The following SIGLEC6 variants were observed in gnomAD, a reference collection of about 807,000 sequenced individuals.
The protein encoded by SIGLEC6 is sialic acid binding Ig like lectin 6.
In SIGLEC6, 31 loss-of-function variants were observed where a neutral mutation model predicts 41.4. The observed-to-expected ratio is 0.75, with a 90% CI of 0.56 to 1.01. The LOEUF (loss-of-function observed/expected upper bound fraction) is 1.01, where lower values mean the gene tolerates loss of function less well. SIGLEC6 is among the 50% of genes least tolerant of loss of function. The probability of loss-of-function intolerance (pLI) is 0.00; values close to 1 mark genes in which losing one functional copy is unlikely to be tolerated. For missense variants in SIGLEC6, 555 were observed against 558.6 expected (o/e 0.99, Z 0.06); for synonymous variants, 217 against 231.0 (o/e 0.94, Z 0.55).
At position 51,530,423 on chromosome 19, in the gene SIGLEC6, T is replaced by C; in HGVS notation, c.754+14A>G. The C allele has an allele frequency of 6.2e-7, 1 of 1,613,110 alleles. No individual in the cohort carries two copies. Among genetic ancestry groups the C allele is most frequent in the Non-Finnish European group, 8.5e-7 (1 of 1,179,112 alleles). ...CATCTGGCCCTGGAGAGAACAGGAC[T>C]GGCTGGTTCCTACCTGCGCTGTTTC... is the stretch of plus-strand genomic sequence containing the variant. On this transcript the variant is annotated intron_variant, in intron 4 of 7. Transcript: ENST00000425629.
chr19:51,530,013 T>C (rs1979979347), intron 4 of SIGLEC6, 32 bp from the exon 5 acceptor site: 1 of 1,551,256 alleles, frequency 6.4e-7, no homozygotes. Context: ...GAGTTAGAGA[T>C]GGGGTATAGG....
Position 51,527,727 on chromosome 19 carries a change from T to C in SIGLEC6, c.1188+20A>G, listed in dbSNP as rs746418451. ...CAAAAGGGATAATGCTGAATGGAAA[T>C]TAAGGTCTCTGTCACTCACCCTGGA... On this transcript the variant is annotated intron_variant, in intron 7 of 7. Transcript: ENST00000425629. 2 of 1,611,578 alleles carry C rather than the reference T, an allele frequency of 1.2e-6. No homozygotes were observed. Among genetic ancestry groups the C allele is most frequent in the Non-Finnish European group, 1.7e-6 (2 of 1,178,000 alleles).
At chr19:51,529,135 AC>A (rs897892883) in intron 5 of SIGLEC6, among the ~76,000 whole-genome samples, 3 of 152,112 alleles carry the variant, frequency 2.0e-5, no homozygotes, top group African/African-American at 4.8e-5. Context: ...CCAGGAAACC[AC>A]CAGAAGCCAG....
intron 7 of SIGLEC6, among the ~76,000 whole-genome samples, chr19:51,523,364 G>C (rs1978623348): frequency 2.0e-5 from 3 of 152,094 alleles, no homozygotes; most frequent in African/African-American, 7.2e-5. Flanking sequence ...TCTGACACAG[G>C]TGCAACTGGG....
In SIGLEC6 at chr19:51,520,123, C is replaced by T; in HGVS notation, c.1321G>A (p.Val441Ile). The T allele has an allele frequency of 6.3e-7, 1 of 1,595,448 alleles. No homozygotes were observed. Among genetic ancestry groups the T allele is most frequent in the South Asian group, 1.1e-5 (1 of 89,132 alleles). The part of the protein sequence containing the change: ...FHKVQPQEPK[V>I]TDTEYSEIKI... ...ATTTCTGAGTACTCAGTGTCGGTGA[C>T]CTTTGGTTCCTGAGGTTGCACCTTG... Residue 441 changes from valine (V) to isoleucine (I), a missense_variant, in exon 8 of 8, where the codon GTC (valine) becomes ATC (isoleucine). Coordinates refer to ENST00000425629, the MANE Select transcript of SIGLEC6 (RefSeq NM_001245.7).
intron 5 of SIGLEC6, 169 bp from the exon 6 acceptor site, chr19:51,528,422 C>G: frequency 1.6e-6 from 1 of 628,146 alleles, no homozygotes; most frequent in South Asian, 1.9e-5. Flanking sequence ...CATGACTCCC[C>G]CTTCCCCCAA....
intron 7 of SIGLEC6, among the ~76,000 whole-genome samples, chr19:51,526,672 C>T (rs1485715782): frequency 2.6e-5 from 4 of 152,004 alleles, no homozygotes; most frequent in African/African-American, 9.7e-5. Flanking sequence ...CACTAGTTCC[C>T]CAGCAAAAGT....
chr19:51,529,668 A>T, intron 5 of SIGLEC6, 56 bp downstream of exon 5: 1 of 1,606,862 alleles, frequency 6.2e-7, no homozygotes, highest in Non-Finnish European at 8.5e-7. Context: ...TTCTCTGAAT[A>T]CTATGGAGCT....
chr19:51,520,213 G>C lies in SIGLEC6; in HGVS notation c.1231C>G (p.Pro411Ala), dbSNP rs771497934. 1.2e-6 allele frequency: 2 copies of C among 1,606,058 alleles called. No homozygotes were observed. Among genetic ancestry groups the C allele is most frequent in the Admixed American group, 3.3e-5 (2 of 59,952 alleles). ...TCTGAGATGGGGCCAGCCTCAGCAG[G>C]GTGGTCTGAAACTATGCCTGTCTGG... ...QFQTGIVSDHPAEAGPISEDE... is the reference protein window; with the variant it reads ...QFQTGIVSDHAAEAGPISEDE... Residue 411 changes from proline to alanine, a missense_variant, in exon 8 of 8, where the codon CCT becomes GCT. By Grantham distance (27) the Pro-to-Ala change is conservative. Coordinates refer to ENST00000425629, the MANE Select transcript of SIGLEC6 (RefSeq NM_001245.7).
rs181082684 is a variant in SIGLEC6, at chr19:51,529,726, T to C, written c.1010A>G (p.His337Arg). Residue 337 changes from histidine (H) to arginine (R), a missense_variant and splice_region_variant, in exon 5 of 8, where the codon CAT becomes CGT. Transcript: ENST00000425629. Reference protein sequence around the residue: ...SLQISLSLFVHWKPEGRAGGV... With the variant: ...SLQISLSLFVRWKPEGRAGGV... ...CGCGCACCTCCCCCCACACTCACAATGCACAAAGAGACTCAGAGAGATTTG... is the reference window on the plus strand; with the variant it reads ...CGCGCACCTCCCCCCACACTCACAACGCACAAAGAGACTCAGAGAGATTTG... 1.1e-5 allele frequency: 17 copies of C among 1,614,076 alleles called. No homozygotes were observed. The highest frequency in any genetic ancestry group is 5.3e-5 in the African/African-American group (4 of 75,018).
At chr19:51,520,520 C>T (rs1052201209) in intron 7 of SIGLEC6, among the ~76,000 whole-genome samples, 3 of 151,988 alleles carry the variant, frequency 2.0e-5, no homozygotes, top group Non-Finnish European at 2.9e-5. Flanking sequence ...TCCTGTGTAG[C>T]TGGGACTACA....
chr19:51,531,049 A>G, intron 2 of SIGLEC6, 90 bp from the exon 3 acceptor site: 1 of 1,573,896 alleles, frequency 6.4e-7, no homozygotes, highest in Non-Finnish European at 8.5e-7. Flanking sequence ...TCCTTCTCTG[A>G]GCCCAACATG....
rs1219068806 is a variant in SIGLEC6, at chr19:51,519,415, C to A, written c.*667G>T. 1.3e-5 allele frequency: 2 copies of A among 149,312 alleles called. No homozygotes were observed. Among genetic ancestry groups the A allele is most frequent in the Non-Finnish European group, 3.0e-5 (2 of 67,474 alleles). The allele number at this position is 149,312 out of a possible 1,614,324, so 9.2% of individuals were successfully genotyped here. ...CCTTTGTTAGCTGTTTTACAGCTAACAAAGCTGTATGTTAGCTGTATGCTT... is the reference window on the plus strand; with the variant it reads ...CCTTTGTTAGCTGTTTTACAGCTAAAAAAGCTGTATGTTAGCTGTATGCTT... On this transcript the variant is annotated 3_prime_UTR_variant, in exon 8 of 8. Transcript: ENST00000425629.
At chr19:51,523,988 A>G (rs1161403305) in intron 7 of SIGLEC6, among the ~76,000 whole-genome samples, 1 of 152,138 alleles carries the variant, frequency 6.6e-6, no homozygotes, top group Non-Finnish European at 1.5e-5. Flanking sequence ...GTGCCACTGC[A>G]CTCCAGCCTG....
At chr19:51,528,445 G>A in intron 5 of SIGLEC6, 192 bp from the exon 6 acceptor site, 1 of 596,602 alleles carries the variant, frequency 1.7e-6, no homozygotes, top group Admixed American at 2.9e-5. Flanking sequence ...GCAAGACTGA[G>A]GACGTTGTGC....
chr19:51,529,844 T>G lies in SIGLEC6; in HGVS notation c.892A>C (p.Ile298Leu), dbSNP rs548685241. 1 of 1,613,924 alleles carries G rather than the reference T, an allele frequency of 6.2e-7. No homozygotes were observed. Among genetic ancestry groups the G allele is most frequent in the Admixed American group, 1.7e-5 (1 of 59,994 alleles). ...AGCTCCAGGACCCCGGTATTGGAGA[T>G]GGGGGTGGCGTTCAGGGCGGGGAAG... ...QGFPALNATP[I>L]SNTGVLELPQ... is the part of the protein sequence containing the mutation. The change falls in exon 5 of 8, where the codon ATC becomes CTC. Residue 298 changes from isoleucine to leucine, a missense_variant. By Grantham distance (5) the Ile-to-Leu change is conservative (BLOSUM62 2). Transcript: ENST00000425629.
At chr19:51,526,196 A>C (rs1979199526) in intron 7 of SIGLEC6, among the ~76,000 whole-genome samples, 1 of 152,136 alleles carries the variant, frequency 6.6e-6, no homozygotes, top group Admixed American at 6.6e-5. Context: ...CAAGCTGGGG[A>C]GGAAACAAAA....
At chr19:51,521,402 G>T (rs901439744) in intron 7 of SIGLEC6, among the ~76,000 whole-genome samples, 1 of 152,050 alleles carries the variant, frequency 6.6e-6, no homozygotes, top group Non-Finnish European at 1.5e-5. Context: ...GTTCAGGGAG[G>T]CATTGGTGAC....
intron 7 of SIGLEC6, among the ~76,000 whole-genome samples, chr19:51,525,872 C>T (rs1054584161): frequency 2.0e-5 from 3 of 152,174 alleles, no homozygotes; most frequent in Admixed American, 6.5e-5. Flanking sequence ...GCCCCTCTGC[C>T]ATTGCTGCTG....
Sources: allele counts gnomAD v4.1 joint callset (sites outside exome capture counted in the v4.1 genomes callset), GRCh38; gene constraint gnomAD v4.1.1; transcripts MANE v1.5; gene names NCBI Gene and HGNC (gene_info 2026-07-23, HGNC 2026-07-21).